Variants in EYA1 observed in about 807,000 individuals in gnomAD.
The protein encoded by EYA1 is protein phosphatase EYA1.
A neutral mutation model predicts 82.0 loss-of-function variants in EYA1; 16 were observed. The observed-to-expected ratio is 0.20, with a 90% CI of 0.13 to 0.30. The LOEUF (loss-of-function observed/expected upper bound fraction) is 0.30, where lower values mean the gene tolerates loss of function less well. Ranked by LOEUF, EYA1 falls within the 10% of genes least tolerant of loss-of-function variation. EYA1 has a pLI of 1.00. For missense variants in EYA1, 633 were observed against 730.7 expected (o/e 0.87, Z 1.54); for synonymous variants, 261 against 264.4 (o/e 0.99, Z 0.12).
rs201977567 is a variant in EYA1, at chr8:71,321,897, C to A, written c.273-18G>T. On this transcript the variant is annotated intron_variant, in intron 5 of 17. Coordinates refer to ENST00000340726, the MANE Select transcript of EYA1 (RefSeq NM_000503.6). Reference sequence around the variant, plus strand: ...ATGGTCTGCTATTTGTCAGAAATGACAGAAAATAGAAAGCCCATGCATTAG... The same window carrying A: ...ATGGTCTGCTATTTGTCAGAAATGAAAGAAAATAGAAAGCCCATGCATTAG... 8.4e-5 allele frequency: 136 copies of A among 1,614,052 alleles called. No homozygotes were observed. The highest frequency in any genetic ancestry group is 1.1e-4 in the Non-Finnish European group (132 of 1,180,032).
chr8:71,265,283 C>T (rs975052515), intron 11 of EYA1, among the ~76,000 whole-genome samples: 2 of 152,018 alleles, frequency 1.3e-5, no homozygotes, highest in Non-Finnish European at 2.9e-5. Flanking sequence ...CTAACCTCTC[C>T]CGTTTCAATT....
At chr8:71,251,831 AT>A (rs35376236) in intron 11 of EYA1, among the ~76,000 whole-genome samples, 22,375 of 151,214 alleles carry the variant, frequency 0.15, 1,878 homozygotes, top group African/African-American at 0.23. Context: ...TTGTTTATTG[AT>A]TTTTTTTTTA....
intron 3 of EYA1, among the ~76,000 whole-genome samples, chr8:71,341,749 GA>G (rs1406017011): frequency 6.6e-6 from 1 of 152,044 alleles, no homozygotes; most frequent in South Asian, 2.1e-4. Context: ...AGGAGGGCAG[GA>G]AAAAACATTA....
chr8:71,205,348 A>T (rs1807626251), intron 17 of EYA1, among the ~76,000 whole-genome samples: 1 of 151,508 alleles, frequency 6.6e-6, no homozygotes, highest in South Asian at 2.1e-4. Flanking sequence ...TTTTTTTTTT[A>T]AACAATCATA....
At chr8:71,265,367 A>G (rs1815668748) in intron 11 of EYA1, among the ~76,000 whole-genome samples, 1 of 152,220 alleles carries the variant, frequency 6.6e-6, no homozygotes, top group African/African-American at 2.4e-5. Flanking sequence ...TGCTGGGCAT[A>G]TAGAAAGTTC....
rs1729425675 is a variant in EYA1, at chr8:71,507,201, C to A, written c.33+28543G>T. ...ATTCTTTTTCTCTGCAGTATATACA[C>A]CAGGACATTAGAGACACCAAAAGTT... On this transcript the variant is annotated intron_variant, in intron 2 of 18. Transcript: ENST00000643681. 3.3e-5 allele frequency among the ~76,000 whole-genome samples: 5 copies of A among 152,074 alleles called. No individual in the cohort carries two copies. In the South Asian group the frequency reaches 1.0e-3, roughly 32 times the overall value.
At chr8:71,526,972 C>T (rs886102699) in intron 2 of EYA1, among the ~76,000 whole-genome samples, 1 of 152,062 alleles carries the variant, frequency 6.6e-6, no homozygotes, top group Non-Finnish European at 1.5e-5. Context: ...TATCACTATT[C>T]TAGGCATGTT....
At chr8:71,372,476 CA>C (rs1313503127) in intron 2 of EYA1, among the ~76,000 whole-genome samples, 2 of 151,994 alleles carry the variant, frequency 1.3e-5, no homozygotes, top group African/African-American at 4.8e-5. Context: ...GGGTGTGTTC[CA>C]TTAAATTTAG....
chr8:71,387,144 G>A (rs1829011706), intron 2 of EYA1, among the ~76,000 whole-genome samples: 1 of 152,156 alleles, frequency 6.6e-6, no homozygotes, highest in Non-Finnish European at 1.5e-5. Flanking sequence ...TACTTTAGGG[G>A]AGTAGAGGAA....
At chr8:71,535,723 A>G in intron 2 of EYA1, 1 of 1,501,966 alleles carries the variant, frequency 6.7e-7, no homozygotes, top group Non-Finnish European at 8.9e-7. Flanking sequence ...TTTCCTTAGG[A>G]CTGACATTCT....
intron 2 of EYA1, among the ~76,000 whole-genome samples, chr8:71,418,703 G>C (rs1269744606): frequency 6.6e-6 from 1 of 152,168 alleles, no homozygotes; most frequent in African/African-American, 2.4e-5. Context: ...GCTAGGCATT[G>C]TTCTAGGTGT....
intron 2 of EYA1, among the ~76,000 whole-genome samples, chr8:71,449,837 CT>C (rs2129178507): frequency 6.6e-6 from 1 of 152,298 alleles, no homozygotes; most frequent in African/African-American, 2.4e-5. Flanking sequence ...CATCAATGAT[CT>C]TAGCCAGATC....
chr8:71,313,671 T>A lies in EYA1; in HGVS notation c.556+3881A>T, dbSNP rs572132519. ...TAAGGAAACACATGTGAAGGAGTCA[T>A]TGCATGCTGAAGGCCCACAGAAAGC... On this transcript the variant is annotated intron_variant, in intron 7 of 17. Transcript: ENST00000340726. Among the ~76,000 whole-genome samples, 3 of 152,244 alleles carry A rather than the reference T, an allele frequency of 2.0e-5. No homozygotes were observed. In the East Asian group the frequency reaches 5.8e-4, roughly 29 times the overall value.
intron 6 of EYA1, among the ~76,000 whole-genome samples, chr8:71,321,088 G>A (rs1396325421): frequency 6.6e-6 from 1 of 152,120 alleles, no homozygotes; most frequent in African/African-American, 2.4e-5. Flanking sequence ...TTGGGATTTT[G>A]TTGGATTTAT....
At chr8:71,535,973 T>C (rs1814680753) in intron 1 of EYA1, 1 of 395,634 alleles carries the variant, frequency 2.5e-6, no homozygotes, top group East Asian at 3.6e-5. Context: ...TTACCTTCAC[T>C]GAATGAGTCT....
intron 9 of EYA1, among the ~76,000 whole-genome samples, chr8:71,286,549 T>C (rs967756984): frequency 6.6e-6 from 1 of 152,180 alleles, no homozygotes; most frequent in African/African-American, 2.4e-5. Flanking sequence ...GTGTTATTGC[T>C]TGGTTGAGTG....
intron 2 of EYA1, among the ~76,000 whole-genome samples, chr8:71,439,172 CTGCTTACAAGATG>C (rs1806224161): frequency 6.6e-6 from 1 of 151,980 alleles, no homozygotes; most frequent in Non-Finnish European, 1.5e-5. Context: ...ACCTTTTTTC[CTGCTTACAAGATG>C]AAGTGGCACC....
chr8:71,526,533 G>A (rs1485353259), intron 2 of EYA1, among the ~76,000 whole-genome samples: 1 of 152,140 alleles, frequency 6.6e-6, no homozygotes, highest in Non-Finnish European at 1.5e-5. Flanking sequence ...TATCTGCTGG[G>A]GCTGCAGTCA....
intron 7 of EYA1, among the ~76,000 whole-genome samples, chr8:71,301,589 T>A (rs1396099077): frequency 6.6e-6 from 1 of 152,188 alleles, no homozygotes; most frequent in Admixed American, 6.5e-5. Context: ...AAGAAGGGAA[T>A]CTATATCCTA....
Sources: gnomAD v4.1 joint callset for allele counts (sites outside exome capture counted in the v4.1 genomes callset) on GRCh38, gnomAD v4.1.1 for gene constraint, MANE v1.5 for transcripts, NCBI Gene and HGNC (gene_info 2026-07-23, HGNC 2026-07-21) for gene names.